The following PCDH15 variants were observed in gnomAD, a reference collection of about 807,000 sequenced individuals.
PCDH15 encodes protocadherin related 15.
PCDH15 carries 129 observed loss-of-function variants against 178.5 expected under a neutral mutation model. The observed-to-expected ratio is 0.72, with a 90% CI of 0.63 to 0.84. PCDH15 has a LOEUF of 0.84. Ranked by LOEUF, PCDH15 falls within the 40% of genes least tolerant of loss-of-function variation. The probability of loss-of-function intolerance (pLI) is 0.00; values close to 1 mark genes in which losing one functional copy is unlikely to be tolerated. For synonymous variants in PCDH15, 800 were observed against 732.0 expected (o/e 1.09, Z -1.50); for missense variants, 2,230 against 2,099.9 (o/e 1.06, Z -1.21).
chr10:53,985,981 T>G (rs2036429982), intron 21 of PCDH15, among the ~76,000 whole-genome samples: 1 of 152,232 alleles, frequency 6.6e-6, no homozygotes, highest in Non-Finnish European at 1.5e-5. Flanking sequence ...ACAGCAACCC[T>G]ATAAAGTATT....
chr10:54,212,368 CTG>C (rs2051536047), intron 10 of PCDH15, among the ~76,000 whole-genome samples: 2 of 152,080 alleles, frequency 1.3e-5, no homozygotes, highest in South Asian at 4.1e-4. Context: ...TCCCAGGAAA[CTG>C]TAGTCATCCT....
chr10:55,087,507 A>G (rs193047347), intron 2 of PCDH15, among the ~76,000 whole-genome samples: 181 of 152,308 alleles, frequency 1.2e-3, no homozygotes, highest in Admixed American at 2.6e-3. Context: ...ATGGAGAGAC[A>G]TTGTTTGTAG....
intron 1 of PCDH15, among the ~76,000 whole-genome samples, chr10:55,179,272 T>G (rs952759499): frequency 5.3e-5 from 8 of 152,008 alleles, no homozygotes; most frequent in African/African-American, 1.7e-4. Context: ...CCTATCCTAA[T>G]GGAAGTTAGA....
chr10:54,273,647 A>C (rs1222481472), intron 8 of PCDH15, among the ~76,000 whole-genome samples: 1 of 152,198 alleles, frequency 6.6e-6, no homozygotes, highest in Admixed American at 6.6e-5. Context: ...AAAGTCATCA[A>C]ACATATATCC....
chr10:54,618,612 G>T (rs1041427217), intron 2 of PCDH15, among the ~76,000 whole-genome samples: 1 of 152,170 alleles, frequency 6.6e-6, no homozygotes, highest in East Asian at 1.9e-4. Flanking sequence ...ATCTCTGTAT[G>T]TAAATAGACA....
chr10:54,443,831 T>C (rs1317937237), intron 3 of PCDH15, among the ~76,000 whole-genome samples: 1 of 151,688 alleles, frequency 6.6e-6, no homozygotes, highest in Admixed American at 6.6e-5. Context: ...TTCCATCAGC[T>C]CACCATTGTC....
intron 14 of PCDH15, among the ~76,000 whole-genome samples, chr10:54,141,978 T>C (rs182122653): frequency 1.3e-5 from 2 of 152,256 alleles, no homozygotes; most frequent in East Asian, 3.9e-4. Context: ...TTATTCTGAA[T>C]TTCCAAAGCT....
intron 1 of PCDH15, among the ~76,000 whole-genome samples, chr10:54,749,784 C>T (rs1945957316): frequency 6.6e-6 from 1 of 152,082 alleles, no homozygotes; most frequent in South Asian, 2.1e-4. Context: ...GTTTAAAACC[C>T]TACGTGCTTG....
chr10:55,588,460 C>T, intron 2 of PCDH15, among the ~76,000 whole-genome samples: 1 of 151,956 alleles, frequency 6.6e-6, no homozygotes, highest in East Asian at 1.9e-4. Flanking sequence ...TTAAAAGAAA[C>T]CCCACACACA....
rs533778587 is a variant in PCDH15, at chr10:54,824,232, A to G, written c.-29+73218T>C. 1.1e-4 allele frequency among the ~76,000 whole-genome samples: 17 copies of G among 152,292 alleles called. 1 individual carries two copies. The highest frequency in any genetic ancestry group is 9.2e-4 in the Admixed American group (14 of 15,270). The stretch of plus-strand genomic sequence containing the variant: ...ACTGCCTCAGGATTTAAACATGTGT[A>G]TAATAAATACATGTATTGAAGCCCA... On this transcript the variant is annotated intron_variant, in intron 3 of 5. Transcript: ENST00000458638.
chr10:54,087,728 T>G (rs1461782986), intron 16 of PCDH15, among the ~76,000 whole-genome samples: 1 of 152,208 alleles, frequency 6.6e-6, no homozygotes, highest in African/African-American at 2.4e-5. Context: ...TTCTCCAAAG[T>G]GTAGTCATAG....
At chr10:54,090,316 T>C (rs2094578909) in intron 15 of PCDH15, among the ~76,000 whole-genome samples, 1 of 152,216 alleles carries the variant, frequency 6.6e-6, no homozygotes, top group Admixed American at 6.5e-5. Flanking sequence ...ACTTAATTAA[T>C]GAATTTAATT....
chr10:53,921,787 T>C (rs754332156), intron 25 of PCDH15, among the ~76,000 whole-genome samples: 3 of 152,186 alleles, frequency 2.0e-5, no homozygotes, highest in African/African-American at 4.8e-5. Context: ...ATTCCTTTAG[T>C]ATAAGCCAGT....
chr10:55,121,359 G>C (rs1210320981), intron 2 of PCDH15, among the ~76,000 whole-genome samples: 1 of 10,224 alleles, frequency 9.8e-5, no homozygotes, highest in South Asian at 2.9e-3. Flanking sequence ...GCTCAGAGCT[G>C]GGGGGGGGCA....
In PCDH15 at chr10:54,776,030, G is replaced by A. The variant is rs192881451; in HGVS notation, c.-29+24895C>T. Among the ~76,000 whole-genome samples, 269 of 152,254 alleles carry A rather than the reference G, an allele frequency of 1.8e-3. 2 individuals carry two copies. Among genetic ancestry groups the A allele is most frequent in the African/African-American group, 6.0e-3 (250 of 41,554 alleles). On this transcript the variant is annotated intron_variant, in intron 1 of 37. Coordinates refer to ENST00000644397, the MANE Select transcript of PCDH15 (RefSeq NM_001384140.1). Reference sequence around the variant, plus strand: ...TTCTGCATATGAGTAAGACCATGCAGTGTTTAACTTTTGGTTCTTATTTCA... The same window carrying A: ...TTCTGCATATGAGTAAGACCATGCAATGTTTAACTTTTGGTTCTTATTTCA...
At chr10:55,298,004 A>G (rs1205543038) in intron 1 of PCDH15, among the ~76,000 whole-genome samples, 1 of 152,110 alleles carries the variant, frequency 6.6e-6, no homozygotes, top group African/African-American at 2.4e-5. Flanking sequence ...GCTCTTAAAG[A>G]AATGAATGAA....
intron 8 of PCDH15, among the ~76,000 whole-genome samples, chr10:54,274,596 C>A (rs1003784341): frequency 7.0e-6 from 1 of 143,298 alleles, no homozygotes; most frequent in Admixed American, 7.1e-5. Flanking sequence ...GCCTTTGATT[C>A]GAAACAAAAC....
intron 8 of PCDH15, among the ~76,000 whole-genome samples, chr10:54,270,739 C>T (rs919167091): frequency 6.6e-6 from 1 of 152,154 alleles, no homozygotes; most frequent in African/African-American, 2.4e-5. Flanking sequence ...TCTCTCTCCT[C>T]TCCTCCTAAG....
chr10:55,190,812 G>A (rs945590782), intron 1 of PCDH15, among the ~76,000 whole-genome samples: 2 of 151,562 alleles, frequency 1.3e-5, no homozygotes, highest in African/African-American at 4.8e-5. Flanking sequence ...CTCATTTAGT[G>A]CACAAAACAT....
Sources: allele counts gnomAD v4.1 joint callset (sites outside exome capture counted in the v4.1 genomes callset), GRCh38; gene constraint gnomAD v4.1.1; transcripts MANE v1.5; gene names NCBI Gene and HGNC (gene_info 2026-07-23, HGNC 2026-07-21).